The following NPAS3 variants were observed in gnomAD, a reference collection of about 807,000 sequenced individuals.
NPAS3 encodes the protein neuronal PAS domain protein 3.
Under a neutral mutation model 73.1 loss-of-function variants are expected in NPAS3, and 14 were observed. That is an observed-to-expected ratio of 0.19 (90% CI 0.13 to 0.30). The LOEUF is 0.30. Ranked by LOEUF, NPAS3 falls within the 10% of genes least tolerant of loss-of-function variation. The pLI, the probability that NPAS3 is intolerant of heterozygous loss-of-function variation, is 1.00. For missense variants in NPAS3, 1,096 were observed against 1,250.0 expected (o/e 0.88, Z 1.86); for synonymous variants, 620 against 541.5 (o/e 1.14, Z -2.01).
At chr14:33,230,299 T>C (rs115898205) in intron 3 of NPAS3, among the ~76,000 whole-genome samples, 1,800 of 152,312 alleles carry the variant, frequency 0.012, 29 homozygotes, top group African/African-American at 0.041. Context: ...CATGCAGTTT[T>C]TCTGGTATCA....
At chr14:33,150,192 C>T (rs2044396150) in intron 2 of NPAS3, among the ~76,000 whole-genome samples, 1 of 152,136 alleles carries the variant, frequency 6.6e-6, no homozygotes, top group South Asian at 2.1e-4. Flanking sequence ...ATCATTATAG[C>T]TATTCATGTT....
chr14:33,202,386 G>A (rs1356913779), intron 2 of NPAS3, among the ~76,000 whole-genome samples: 3 of 151,924 alleles, frequency 2.0e-5, no homozygotes, highest in Non-Finnish European at 4.4e-5. Context: ...CTGGGTGACA[G>A]AGTAAGACCC....
At chr14:32,975,301 C>CTCCCTTCCTCCGTCA (rs1555313389) in intron 1 of NPAS3, among the ~76,000 whole-genome samples, 8 of 116,296 alleles carry the variant, frequency 6.9e-5, no homozygotes, top group South Asian at 3.2e-4. Flanking sequence ...TCCCTCCCTC[C>CTCCCTTCCTCCGTCA]CTCCCTGCCT....
intron 3 of NPAS3, among the ~76,000 whole-genome samples, chr14:33,295,696 A>C (rs1408203808): frequency 6.6e-6 from 1 of 152,210 alleles, no homozygotes. Context: ...TACTTATGTA[A>C]TGTATTTTAT....
chr14:33,414,579 G>C (rs1453329517), intron 4 of NPAS3, among the ~76,000 whole-genome samples: 1 of 152,014 alleles, frequency 6.6e-6, no homozygotes, highest in Admixed American at 6.6e-5. Flanking sequence ...AACAACAAAG[G>C]CTTTCATCCA....
chr14:33,289,787 A>G (rs898857871), intron 3 of NPAS3, among the ~76,000 whole-genome samples: 3 of 150,904 alleles, frequency 2.0e-5, no homozygotes, highest in African/African-American at 7.3e-5. Context: ...GCACCACTGC[A>G]CTCTAGACTG....
chr14:33,364,918 G>A (rs1396276462), intron 3 of NPAS3, among the ~76,000 whole-genome samples: 1 of 151,668 alleles, frequency 6.6e-6, no homozygotes, highest in Non-Finnish European at 1.5e-5. Flanking sequence ...TTATAACCTG[G>A]TGGCTATTAC....
chr14:33,343,880 TTG>T (rs2044607473), intron 3 of NPAS3, among the ~76,000 whole-genome samples: 2 of 152,164 alleles, frequency 1.3e-5, no homozygotes, highest in Admixed American at 1.3e-4. Context: ...CCTCAGTGCA[TTG>T]TCTTTTCCAC....
chr14:33,653,925 T>A (rs1408708850), intron 5 of NPAS3, among the ~76,000 whole-genome samples: 1 of 152,200 alleles, frequency 6.6e-6, no homozygotes, highest in Admixed American at 6.5e-5. Context: ...CCAAATGATT[T>A]TCCTCGTAAC....
At chr14:33,465,933 A>C (rs1294556164) in intron 4 of NPAS3, among the ~76,000 whole-genome samples, 1 of 152,214 alleles carries the variant, frequency 6.6e-6, no homozygotes, top group Admixed American at 6.5e-5. Context: ...TAGTATCTAC[A>C]ATAAGCAAAT....
intron 3 of NPAS3, among the ~76,000 whole-genome samples, chr14:33,291,304 T>C (rs1167131895): frequency 6.6e-6 from 1 of 152,124 alleles, no homozygotes; most frequent in Admixed American, 6.5e-5. Flanking sequence ...CGTGCCTAAC[T>C]TTCTATATCA....
intron 3 of NPAS3, among the ~76,000 whole-genome samples, chr14:33,292,307 T>C (rs2042131183): frequency 6.6e-6 from 1 of 152,152 alleles, no homozygotes; most frequent in African/African-American, 2.4e-5. Flanking sequence ...CTCATTGAAC[T>C]AGGAAGGATA....
chr14:33,593,202 C>T (rs764933704), intron 5 of NPAS3, among the ~76,000 whole-genome samples: 13 of 152,050 alleles, frequency 8.5e-5, no homozygotes, highest in Non-Finnish European at 1.6e-4. Context: ...TAACATATCA[C>T]CTCTAATCCT....
intron 4 of NPAS3, among the ~76,000 whole-genome samples, chr14:33,493,743 G>A (rs2052023603): frequency 6.6e-6 from 1 of 152,272 alleles, no homozygotes; most frequent in Non-Finnish European, 1.5e-5. Context: ...CTCCCAGGAT[G>A]AGAAGTCGCA....
chr14:33,736,458 A>T lies in NPAS3; in HGVS notation c.852+1126A>T, dbSNP rs190994390. Among the ~76,000 whole-genome samples the T allele has an allele frequency of 3.3e-5, 5 of 152,284 alleles. No homozygotes were observed. The East Asian group carries it at 9.7e-4, about 29-fold the overall frequency. On this transcript the variant is annotated intron_variant, in intron 7 of 11. Transcript: ENST00000356141. Reference sequence around the variant, plus strand: ...GCAGGTGCGATGCAGAGGAGAGGCAAGTGGGCAGCTCCACCTGCTCTAGCT... The same window carrying T: ...GCAGGTGCGATGCAGAGGAGAGGCATGTGGGCAGCTCCACCTGCTCTAGCT...
intron 2 of NPAS3, among the ~76,000 whole-genome samples, chr14:33,082,504 T>C (rs2041891111): frequency 6.6e-6 from 1 of 152,250 alleles, no homozygotes; most frequent in African/African-American, 2.4e-5. Flanking sequence ...CCATTGTGTT[T>C]TACCGTGTCG....
At position 33,090,331 on chromosome 14, in the gene NPAS3, A is replaced by AG. The variant is rs1311000215; in HGVS notation, c.140+34339dup. 1.5e-4 allele frequency among the ~76,000 whole-genome samples: 23 copies of AG among 152,318 alleles called. No homozygotes were observed. In the East Asian group the frequency reaches 3.7e-3, roughly 24 times the overall value. On this transcript the variant is annotated intron_variant, in intron 2 of 11. Transcript: ENST00000356141. The stretch of plus-strand genomic sequence containing the variant: ...TACCAAGCAAATGGAAAACAAAAGA[A>AG]GGCAGGGGTTGCAATCCTAGTCTCT...
chr14:33,720,527 A>C (rs1313347072), intron 6 of NPAS3, among the ~76,000 whole-genome samples: 1 of 152,152 alleles, frequency 6.6e-6, no homozygotes, highest in African/African-American at 2.4e-5. Context: ...TTAGAAAGTA[A>C]ATTACAGCTG....
At chr14:33,484,901 T>A (rs1025694984) in intron 4 of NPAS3, among the ~76,000 whole-genome samples, 10 of 152,142 alleles carry the variant, frequency 6.6e-5, no homozygotes, top group Admixed American at 2.0e-4. Flanking sequence ...TTCACAGATT[T>A]CATTTTCTTG....
Sources: gnomAD v4.1 joint callset for allele counts (sites outside exome capture counted in the v4.1 genomes callset) on GRCh38, gnomAD v4.1.1 for gene constraint, MANE v1.5 for transcripts, NCBI Gene and HGNC (gene_info 2026-07-23, HGNC 2026-07-21) for gene names.